Variants in THADA observed in about 807,000 individuals in gnomAD.
THADA encodes the protein tRNA (32-2'-O)-methyltransferase regulator THADA.
A neutral mutation model predicts 219.8 loss-of-function variants in THADA; 213 were observed. The observed-to-expected ratio is 0.97, with a 90% CI of 0.87 to 1.09. The LOEUF (loss-of-function observed/expected upper bound fraction) is 1.09, where lower values mean the gene tolerates loss of function less well. Ranked by LOEUF, THADA falls within the 50% of genes least tolerant of loss-of-function variation. THADA has a pLI of 0.00. For missense variants in THADA, 2,956 were observed against 2,311.3 expected (o/e 1.28, Z -5.72); for synonymous variants, 1,018 against 828.9 (o/e 1.23, Z -3.92).
intron 35 of THADA, among the ~76,000 whole-genome samples, chr2:43,286,574 C>G (rs931498796): frequency 6.6e-6 from 1 of 151,996 alleles, no homozygotes; most frequent in Non-Finnish European, 1.5e-5. Flanking sequence ...AAACTCATCT[C>G]TACTAAAAAT....
chr2:43,374,145 A>T (rs1434549898), intron 29 of THADA, among the ~76,000 whole-genome samples: 1 of 152,240 alleles, frequency 6.6e-6, no homozygotes, highest in Non-Finnish European at 1.5e-5. Flanking sequence ...CATTAAGCCT[A>T]TGTTTGGAGA....
At chr2:43,232,142 A>ACTCT (rs1473481242) in intron 37 of THADA, among the ~76,000 whole-genome samples, 1 of 149,212 alleles carries the variant, frequency 6.7e-6, no homozygotes, top group Admixed American at 6.7e-5. Context: ...CCATAATAAA[A>ACTCT]CTCTCCGCAT....
At chr2:43,260,781 T>C (rs983234580) in intron 36 of THADA, among the ~76,000 whole-genome samples, 17 of 152,214 alleles carry the variant, frequency 1.1e-4, no homozygotes, top group Non-Finnish European at 2.4e-4. Flanking sequence ...GAAATTTTTT[T>C]GGTAACATGA....
intron 28 of THADA, among the ~76,000 whole-genome samples, chr2:43,404,633 G>T (rs1675316046): frequency 6.6e-6 from 1 of 152,076 alleles, no homozygotes; most frequent in South Asian, 2.1e-4. Context: ...CTTCCCCACA[G>T]TAGCTCTCAG....
intron 30 of THADA, among the ~76,000 whole-genome samples, chr2:43,327,914 T>C (rs1446931506): frequency 3.3e-5 from 5 of 152,224 alleles, no homozygotes; most frequent in African/African-American, 1.2e-4. Context: ...GAGATCCCAC[T>C]GGCCATCTTT....
chr2:43,297,761 C>T (rs1342081768), intron 31 of THADA, among the ~76,000 whole-genome samples: 1 of 121,376 alleles, frequency 8.2e-6, no homozygotes, highest in Non-Finnish European at 1.7e-5. Context: ...CCGCCCCGTC[C>T]GGGAGGGAGG....
chr2:43,577,293 G>A, intron 9 of THADA, 51 bp from the exon 10 acceptor site: 1 of 1,416,548 alleles, frequency 7.1e-7, no homozygotes, highest in Non-Finnish European at 9.6e-7. Context: ...AAACTTTTCA[G>A]AGATATTTCA....
chr2:43,277,467 G>C (rs1371591699), intron 36 of THADA, among the ~76,000 whole-genome samples: 1 of 151,962 alleles, frequency 6.6e-6, no homozygotes, highest in East Asian at 1.9e-4. Context: ...CCTTCCTTTG[G>C]GCCCACTCCA....
intron 22 of THADA, among the ~76,000 whole-genome samples, chr2:43,526,160 G>T (rs1693138694): frequency 6.6e-6 from 1 of 152,154 alleles, no homozygotes; most frequent in African/African-American, 2.4e-5. Flanking sequence ...GAGATCAAAG[G>T]TTAGGGAGGT....
intron 34 of THADA, among the ~76,000 whole-genome samples, chr2:43,289,625 T>C (rs954931191): frequency 6.6e-6 from 1 of 152,248 alleles, no homozygotes; most frequent in Non-Finnish European, 1.5e-5. Flanking sequence ...TGGTGACTTC[T>C]TAGAACTTGG....
chr2:43,297,754 C>T (rs1675689697), intron 31 of THADA, among the ~76,000 whole-genome samples: 1 of 125,594 alleles, frequency 8.0e-6, no homozygotes, highest in African/African-American at 3.3e-5. Flanking sequence ...CGGCCAGCCG[C>T]CCCGTCCGGG....
chr2:43,527,955 G>C lies in THADA; in HGVS notation c.3298C>G (p.Leu1100Val), dbSNP rs754774902. Reference sequence around the variant, plus strand: ...GCTCCTCTGTGCCTGGACTGCAAAAGGTGTTGTTTAAAGTAATCTCCTATT... The same window carrying C: ...GCTCCTCTGTGCCTGGACTGCAAAACGTGTTGTTTAAAGTAATCTCCTATT... Reference protein sequence around the residue: ...KEIGDYFKQHLLQSRHRGAFE... With the variant: ...KEIGDYFKQHVLQSRHRGAFE... Residue 1100 changes from leucine to valine, a missense_variant, in exon 22 of 38, where the codon CTT becomes GTT. Coordinates refer to ENST00000405975, the MANE Select transcript of THADA (RefSeq NM_022065.5). The C allele has an allele frequency of 1.2e-6, 2 of 1,613,196 alleles. No homozygotes were observed. Among genetic ancestry groups the C allele is most frequent in the Non-Finnish European group, 8.5e-7 (1 of 1,179,586 alleles).
chr2:43,519,598 A>T (rs572310908), intron 22 of THADA, among the ~76,000 whole-genome samples: 1 of 152,306 alleles, frequency 6.6e-6, no homozygotes, highest in East Asian at 1.9e-4. Context: ...TATGTTTCCT[A>T]TTTAGACTCT....
chr2:43,572,797 T>C lies in THADA; in HGVS notation c.1908+17A>G, dbSNP rs1699441825. 1.2e-6 allele frequency: 2 copies of C among 1,611,116 alleles called. No individual in the cohort carries two copies. Among genetic ancestry groups the C allele is most frequent in the Non-Finnish European group, 1.7e-6 (2 of 1,178,450 alleles). ...GATCTACTGCATGTACAAATCCAGG[T>C]AATTTTCTTTACTTACTTGGCAATG... On this transcript the variant is annotated intron_variant, in intron 12 of 37. Coordinates refer to ENST00000405975, the MANE Select transcript of THADA (RefSeq NM_022065.5).
chr2:43,443,234 G>A (rs1330229740), intron 26 of THADA, among the ~76,000 whole-genome samples: 1 of 152,158 alleles, frequency 6.6e-6, no homozygotes, highest in African/African-American at 2.4e-5. Context: ...TGAGTGAAGC[G>A]AAACACAAGG....
chr2:43,409,889 T>C (rs934141900), intron 28 of THADA, among the ~76,000 whole-genome samples: 1 of 152,088 alleles, frequency 6.6e-6, no homozygotes, highest in South Asian at 2.1e-4. Flanking sequence ...TGGTGGCATG[T>C]GCTTGTAGTC....
chr2:43,279,726 G>A (rs2104309386), intron 36 of THADA, 39 bp downstream of exon 36: 1 of 1,533,896 alleles, frequency 6.5e-7, no homozygotes, highest in Non-Finnish European at 8.8e-7. Flanking sequence ...CCTCTATCCT[G>A]CAGCGATAAG....
At chr2:43,404,861 G>A (rs1675343723) in intron 28 of THADA, among the ~76,000 whole-genome samples, 1 of 152,176 alleles carries the variant, frequency 6.6e-6, no homozygotes, top group Admixed American at 6.5e-5. Flanking sequence ...AAGGAAGAGT[G>A]CTCATTTCAT....
In THADA at chr2:43,585,532, GTAGATAGATAGATAGA is replaced by G. The variant is rs57755595; in HGVS notation, c.533+853_533+868del. Among the ~76,000 whole-genome samples, 93 of 139,520 alleles carry G rather than the reference GTAGATAGATAGATAGA, an allele frequency of 6.7e-4. 1 individual carries two copies. The highest frequency in any genetic ancestry group is 3.4e-3 in the Middle Eastern group (1 of 290). 91.5% of individuals were successfully genotyped at this position (139,520 alleles called of 152,430 possible). On this transcript the variant is annotated intron_variant, in intron 7 of 37. Transcript: ENST00000405975. Reference sequence around the variant, plus strand: ...GACCCTGTCACAAAGAAAAAAAAATGTAGATAGATAGATAGATAGATAGATAGATAGATAGATAGAT... The same window carrying G: ...GACCCTGTCACAAAGAAAAAAAAATGTAGATAGATAGATAGATAGATAGAT...
Sources: allele counts gnomAD v4.1 joint callset (sites outside exome capture counted in the v4.1 genomes callset), GRCh38; gene constraint gnomAD v4.1.1; transcripts MANE v1.5; gene names NCBI Gene and HGNC (gene_info 2026-07-23, HGNC 2026-07-21).